The following FOXP1 variants were observed in gnomAD, a reference collection of about 807,000 sequenced individuals.
The protein encoded by FOXP1 is forkhead box P1.
Under a neutral mutation model 98.2 loss-of-function variants are expected in FOXP1, and 15 were observed. The ratio of observed to expected loss-of-function variants is 0.15; its 90% CI spans 0.10 to 0.24. FOXP1 has a LOEUF of 0.24. Among genes scored for constraint, FOXP1 ranks in the 10% least tolerant of loss-of-function variants. The pLI is 1.00. For missense variants in FOXP1, 633 were observed against 848.5 expected, an observed-to-expected ratio of 0.75 and a Z score of 3.15; for synonymous variants, 371 against 314.5, an observed-to-expected ratio of 1.18 and a Z score of -1.90.
At chr3:71,046,573 A>G (rs2049061169) in intron 10 of FOXP1, among the ~76,000 whole-genome samples, 1 of 152,248 alleles carries the variant, frequency 6.6e-6, no homozygotes, top group Non-Finnish European at 1.5e-5. Context: ...TACATGGTAT[A>G]AAATGTCTTA....
chr3:71,073,103 G>T (rs765097828), intron 7 of FOXP1, among the ~76,000 whole-genome samples: 2 of 152,218 alleles, frequency 1.3e-5, no homozygotes, highest in African/African-American at 4.8e-5. Context: ...ATAAGGCATT[G>T]TGTGTTTGAA....
At chr3:71,384,164 G>A (rs1392581863) in intron 3 of FOXP1, among the ~76,000 whole-genome samples, 1 of 152,158 alleles carries the variant, frequency 6.6e-6, no homozygotes, top group Non-Finnish European at 1.5e-5. Context: ...AGGTTGCAGT[G>A]AGCTGAGATC....
At chr3:71,273,037 T>G (rs1656373515) in intron 5 of FOXP1, among the ~76,000 whole-genome samples, 1 of 152,108 alleles carries the variant, frequency 6.6e-6, no homozygotes, top group African/African-American at 2.4e-5. Flanking sequence ...GGCCTCACAC[T>G]CGTGTGTGCG....
At chr3:71,008,568 T>A (rs1306369640) in intron 12 of FOXP1, among the ~76,000 whole-genome samples, 2 of 152,080 alleles carry the variant, frequency 1.3e-5, no homozygotes, top group African/African-American at 2.4e-5. Flanking sequence ...ACATGATAAC[T>A]CATGGTTGAT....
intron 3 of FOXP1, among the ~76,000 whole-genome samples, chr3:71,411,278 CGTGTGTGTGTGTGTGTGT>C (rs58267668): frequency 2.8e-5 from 4 of 141,684 alleles, no homozygotes; most frequent in East Asian, 2.1e-4. Context: ...GCTGAATGGG[CGTGTGTGTGTGTGTGTGT>C]GTGTGTGTGT....
chr3:71,091,389 A>G (rs904101842), intron 7 of FOXP1, among the ~76,000 whole-genome samples: 1 of 152,080 alleles, frequency 6.6e-6, no homozygotes, highest in Non-Finnish European at 1.5e-5. Flanking sequence ...GCTACTTGGG[A>G]GGCTGAGGCA....
chr3:71,038,015 G>A (rs1465046549), intron 11 of FOXP1, among the ~76,000 whole-genome samples: 2 of 152,214 alleles, frequency 1.3e-5, no homozygotes, highest in African/African-American at 4.8e-5. Flanking sequence ...GAGTAGGAGT[G>A]TCGTGCCAAG....
intron 6 of FOXP1, among the ~76,000 whole-genome samples, chr3:71,169,569 C>G (rs1043226196): frequency 6.6e-6 from 1 of 152,074 alleles, no homozygotes; most frequent in African/African-American, 2.4e-5. Flanking sequence ...TATCTTCTGG[C>G]TTTTGTTTAA....
At chr3:71,213,424 A>G (rs1322747712) in intron 5 of FOXP1, among the ~76,000 whole-genome samples, 1 of 152,252 alleles carries the variant, frequency 6.6e-6, no homozygotes, top group Admixed American at 6.5e-5. Context: ...GCTGAACACT[A>G]TAAAGAACTG....
chr3:71,316,668 T>C (rs1379483525), intron 4 of FOXP1, among the ~76,000 whole-genome samples: 3 of 151,706 alleles, frequency 2.0e-5, no homozygotes, highest in Admixed American at 6.6e-5. Flanking sequence ...TTCTTTTTTT[T>C]TTTTTTTTGA....
intron 3 of FOXP1, among the ~76,000 whole-genome samples, chr3:71,434,952 T>A (rs932557020): frequency 6.6e-6 from 1 of 151,888 alleles, no homozygotes; most frequent in Non-Finnish European, 1.5e-5. Flanking sequence ...CACCTCCGTC[T>A]CTCTCGCCTT....
rs563851033 is a variant in FOXP1 at position 71,369,672 on chromosome 3, C to T, written c.-167-10428G>A. 5.3e-5 allele frequency among the ~76,000 whole-genome samples: 8 copies of T among 152,258 alleles called. 1 individual carries two copies. Among genetic ancestry groups the T allele is most frequent in the South Asian group, 2.1e-4 (1 of 4,830 alleles). ...TCTCCCAAAGTGCTAGGATTACAAG[C>T]GTGAGCCACTGTGCACAGCAGGGAC... On this transcript the variant is annotated intron_variant, in intron 3 of 20. Transcript: ENST00000649528.
At chr3:71,020,996 T>C (rs17008142) in intron 11 of FOXP1, among the ~76,000 whole-genome samples, 25,098 of 152,156 alleles carry the variant, frequency 0.16, 2,903 homozygotes, top group African/African-American at 0.32. Flanking sequence ...GAAGACTATG[T>C]TGGTTGTTCT....
At chr3:71,311,641 T>C (rs1290407213) in intron 4 of FOXP1, among the ~76,000 whole-genome samples, 4 of 152,222 alleles carry the variant, frequency 2.6e-5, no homozygotes, top group Admixed American at 1.3e-4. Flanking sequence ...CCATGTACAT[T>C]GTCAGTATAG....
chr3:71,000,168 G>A (rs566752058), intron 13 of FOXP1, among the ~76,000 whole-genome samples: 5 of 151,724 alleles, frequency 3.3e-5, no homozygotes, highest in East Asian at 1.9e-4. Context: ...AGTTATACCC[G>A]GAAGTAGAAC....
Position 70,959,246 on chromosome 3 carries a change from G to C in FOXP1, c.*1C>G, listed in dbSNP as rs2106853703. On this transcript the variant is annotated 3_prime_UTR_variant, in exon 21 of 21. Transcript: ENST00000649528. ...TTCTCGGGGTTGGCCCGCCCCGATA[G>C]TCACTCCATGTCCTCGTTTACTGGT... The C allele has an allele frequency of 6.2e-7, 1 of 1,612,590 alleles. No individual in the cohort carries two copies. Among genetic ancestry groups the C allele is most frequent in the Non-Finnish European group, 8.5e-7 (1 of 1,179,672 alleles).
intron 5 of FOXP1, among the ~76,000 whole-genome samples, chr3:71,202,885 T>C (rs1037501547): frequency 5.9e-5 from 9 of 152,206 alleles, no homozygotes. Flanking sequence ...AGTCAATATA[T>C]AGGAGAGGAA....
At chr3:71,518,689 G>A (rs2042755494) in intron 2 of FOXP1, among the ~76,000 whole-genome samples, 1 of 152,216 alleles carries the variant, frequency 6.6e-6, no homozygotes, top group South Asian at 2.1e-4. Context: ...AACAATGCTT[G>A]CAAGAGAGGC....
intron 6 of FOXP1, among the ~76,000 whole-genome samples, chr3:71,173,413 ACAC>A: frequency 1.3e-5 from 2 of 151,610 alleles, no homozygotes; most frequent in Admixed American, 6.6e-5. Flanking sequence ...ACACACACAC[ACAC>A]ACACACTTTT....
Sources: allele counts gnomAD v4.1 joint callset (sites outside exome capture counted in the v4.1 genomes callset), GRCh38; gene constraint gnomAD v4.1.1; transcripts MANE v1.5; gene names NCBI Gene and HGNC (gene_info 2026-07-23, HGNC 2026-07-21).